Variants in EXOC6B observed in about 807,000 individuals in gnomAD.
The protein encoded by EXOC6B is SEC15 homolog B.
Under a neutral mutation model 113.5 loss-of-function variants are expected in EXOC6B, and 54 were observed. That is an observed-to-expected ratio of 0.48 (90% CI 0.38 to 0.60). EXOC6B has a LOEUF of 0.60. EXOC6B is among the 20% of genes least tolerant of loss of function. EXOC6B has a pLI of 0.00. For missense variants in EXOC6B, 797 were observed against 977.5 expected (o/e 0.82, Z 2.46); for synonymous variants, 357 against 339.0 (o/e 1.05, Z -0.58).
chr2:72,456,074 C>T (rs555968194), intron 18 of EXOC6B, among the ~76,000 whole-genome samples: 32 of 151,926 alleles, frequency 2.1e-4, no homozygotes, highest in Admixed American at 5.2e-4. Flanking sequence ...AGTGACTGTC[C>T]GTATATCATA....
At chr2:72,333,086 T>C (rs1267691252) in intron 20 of EXOC6B, among the ~76,000 whole-genome samples, 1 of 152,148 alleles carries the variant, frequency 6.6e-6, no homozygotes, top group Non-Finnish European at 1.5e-5. Context: ...ACAGATTGAA[T>C]AGAAAGAGGC....
chr2:72,496,273 C>A (rs917108279), intron 14 of EXOC6B, among the ~76,000 whole-genome samples, 181 bp downstream of exon 14: 2 of 151,962 alleles, frequency 1.3e-5, no homozygotes, highest in Non-Finnish European at 2.9e-5. Flanking sequence ...CAAAAAGAAT[C>A]CTTCATCGTC....
chr2:72,618,878 T>A (rs1671563251), intron 6 of EXOC6B, among the ~76,000 whole-genome samples: 1 of 152,160 alleles, frequency 6.6e-6, no homozygotes, highest in Non-Finnish European at 1.5e-5. Context: ...CCCAACTCCT[T>A]ACCATACTCA....
intron 1 of EXOC6B, among the ~76,000 whole-genome samples, chr2:72,782,622 C>T (rs1684124657): frequency 6.6e-6 from 1 of 152,140 alleles, no homozygotes; most frequent in Non-Finnish European, 1.5e-5. Flanking sequence ...AACATTAAAA[C>T]TTATTCCTTC....
intron 18 of EXOC6B, among the ~76,000 whole-genome samples, chr2:72,420,012 C>T (rs1694776062): frequency 6.6e-6 from 1 of 152,094 alleles, no homozygotes. Context: ...GCTCTGCAAA[C>T]TAAACTCTTC....
chr2:72,626,511 T>G (rs1015591581), intron 6 of EXOC6B, among the ~76,000 whole-genome samples: 9 of 152,168 alleles, frequency 5.9e-5, no homozygotes. Context: ...ATTCTCTTAT[T>G]TAGCTTTCCT....
intron 18 of EXOC6B, among the ~76,000 whole-genome samples, chr2:72,438,634 A>T (rs928558642): frequency 5.3e-5 from 8 of 152,180 alleles, no homozygotes; most frequent in Admixed American, 4.6e-4. Context: ...GAGAAAAAAA[A>T]CAGAGAGAGA....
chr2:72,451,265 G>A (rs1040621073), intron 18 of EXOC6B, among the ~76,000 whole-genome samples: 2 of 152,138 alleles, frequency 1.3e-5, no homozygotes, highest in Admixed American at 1.3e-4. Context: ...CAAACTTCTT[G>A]AGAGTATAGA....
intron 1 of EXOC6B, among the ~76,000 whole-genome samples, chr2:72,750,724 G>A (rs1681986221): frequency 6.6e-6 from 1 of 152,028 alleles, no homozygotes; most frequent in Admixed American, 6.6e-5. Flanking sequence ...AATCTTCTGT[G>A]GTCTGAGAAA....
intron 1 of EXOC6B, among the ~76,000 whole-genome samples, chr2:72,768,329 T>C (rs1404578373): frequency 1.3e-5 from 2 of 150,306 alleles, no homozygotes; most frequent in Non-Finnish European, 3.0e-5. Flanking sequence ...TTGGCTCTTG[T>C]TGCCCAGGCT....
intron 1 of EXOC6B, among the ~76,000 whole-genome samples, chr2:72,791,988 T>G (rs922542574): frequency 5.9e-5 from 9 of 152,354 alleles, no homozygotes; most frequent in Admixed American, 3.3e-4. Flanking sequence ...GAATTTATCC[T>G]AGATGCCTGG....
chr2:72,664,661 C>T (rs1297032018), intron 6 of EXOC6B, among the ~76,000 whole-genome samples: 4 of 152,216 alleles, frequency 2.6e-5, no homozygotes, highest in Non-Finnish European at 5.9e-5. Flanking sequence ...CCCAGCTGAT[C>T]ACTAAGCCAA....
chr2:72,779,319 T>C (rs918665791), intron 1 of EXOC6B, among the ~76,000 whole-genome samples: 2 of 151,538 alleles, frequency 1.3e-5, no homozygotes, highest in African/African-American at 4.8e-5. Context: ...ATTATATAAA[T>C]GTACATATTA....
At chr2:72,597,992 T>A (rs1046658720) in intron 6 of EXOC6B, among the ~76,000 whole-genome samples, 1 of 151,952 alleles carries the variant, frequency 6.6e-6, no homozygotes, top group Non-Finnish European at 1.5e-5. Context: ...TTATTATTAT[T>A]ATAATGGGAG....
intron 18 of EXOC6B, among the ~76,000 whole-genome samples, chr2:72,387,306 T>C (rs1692092393): frequency 6.6e-6 from 1 of 152,200 alleles, no homozygotes; most frequent in Non-Finnish European, 1.5e-5. Context: ...TGTTCTTATA[T>C]TGTCATTGTT....
At chr2:72,432,745 T>C (rs1413535792) in intron 18 of EXOC6B, among the ~76,000 whole-genome samples, 1 of 152,232 alleles carries the variant, frequency 6.6e-6, no homozygotes, top group African/African-American at 2.4e-5. Flanking sequence ...TCTGTTCATA[T>C]CCTTCACCCA....
At chr2:72,267,263 A>G (rs1384566726) in intron 20 of EXOC6B, among the ~76,000 whole-genome samples, 7 of 152,062 alleles carry the variant, frequency 4.6e-5, no homozygotes, top group Non-Finnish European at 1.0e-4. Context: ...TCTCCTGCCT[A>G]ATTGCCCTGG....
At chr2:72,776,912 C>T (rs554468688) in intron 1 of EXOC6B, among the ~76,000 whole-genome samples, 1 of 152,152 alleles carries the variant, frequency 6.6e-6, no homozygotes, top group East Asian at 1.9e-4. Context: ...AACTCACAAA[C>T]ATCCACACCA....
chr2:72,751,280 T>C (rs752139655), intron 1 of EXOC6B, among the ~76,000 whole-genome samples: 3 of 152,144 alleles, frequency 2.0e-5, no homozygotes, highest in East Asian at 1.9e-4. Context: ...ATTGGTATGA[T>C]CTGGAAGGGC....
Sources: gnomAD v4.1 joint callset for allele counts (sites outside exome capture counted in the v4.1 genomes callset) on GRCh38, gnomAD v4.1.1 for gene constraint, MANE v1.5 for transcripts, NCBI Gene and HGNC (gene_info 2026-07-23, HGNC 2026-07-21) for gene names.